The following EDAR variants were observed in gnomAD, a reference collection of about 807,000 sequenced individuals.
EDAR encodes tumor necrosis factor receptor superfamily member EDAR.
Under a neutral mutation model 51.3 loss-of-function variants are expected in EDAR, and 38 were observed. The observed-to-expected ratio is 0.74, with a 90% CI of 0.57 to 0.97. The LOEUF is 0.97. EDAR is among the 50% of genes least tolerant of loss of function. The pLI is 0.00. For missense variants in EDAR, 528 were observed against 595.0 expected (o/e 0.89, Z 1.17); for synonymous variants, 227 against 242.1 (o/e 0.94, Z 0.58).
chr2:108,962,736 C>G lies in EDAR; in HGVS notation c.-19+26224G>C, dbSNP rs183760912. Among the ~76,000 whole-genome samples, 47 of 151,502 alleles carry G rather than the reference C, an allele frequency of 3.1e-4. 1 individual carries two copies. In the East Asian group the frequency reaches 9.1e-3, roughly 29 times the overall value. On this transcript the variant is annotated intron_variant, in intron 1 of 11. Coordinates refer to ENST00000258443, the MANE Select transcript of EDAR (RefSeq NM_022336.4). ...GAATGCAATTCAAGGGCCTCCCATG[C>G]CAAGGCCAACTCTTCCTGGCATGAC...
intron 1 of EDAR, among the ~76,000 whole-genome samples, chr2:108,946,709 TCAAA>T (rs980750408): frequency 1.3e-5 from 2 of 152,006 alleles, no homozygotes; most frequent in Non-Finnish European, 2.9e-5. Context: ...CAGATACATA[TCAAA>T]CAACCAGATC....
At chr2:108,938,570 G>A (rs768881459) in intron 1 of EDAR, among the ~76,000 whole-genome samples, 1 of 152,104 alleles carries the variant, frequency 6.6e-6, no homozygotes, top group South Asian at 2.1e-4. Context: ...CTGCTGTAAA[G>A]ATATGTGTTC....
chr2:108,965,297 G>A (rs1558836601), intron 1 of EDAR, among the ~76,000 whole-genome samples: 1 of 152,056 alleles, frequency 6.6e-6, no homozygotes, highest in African/African-American at 2.4e-5. Context: ...CTAACATGGT[G>A]AAACCCCATC....
At chr2:108,901,464 AT>A (rs1233456694) in intron 11 of EDAR, among the ~76,000 whole-genome samples, 2 of 152,230 alleles carry the variant, frequency 1.3e-5, no homozygotes, top group Non-Finnish European at 2.9e-5. Context: ...GAAATAAGTA[AT>A]TTAGAAATAA....
intron 1 of EDAR, among the ~76,000 whole-genome samples, chr2:108,976,371 A>G (rs1452512519): frequency 3.3e-5 from 5 of 152,200 alleles, no homozygotes; most frequent in South Asian, 2.1e-4. Context: ...TGCCATTCTC[A>G]TCACATGAAG....
At chr2:108,924,002 C>T (rs1697202265) in intron 4 of EDAR, among the ~76,000 whole-genome samples, 1 of 152,256 alleles carries the variant, frequency 6.6e-6, no homozygotes, top group South Asian at 2.1e-4. Context: ...CCAGAGAGGT[C>T]AATGCAGGTG....
At chr2:108,959,540 G>A (rs953626723) in intron 1 of EDAR, among the ~76,000 whole-genome samples, 3 of 152,198 alleles carry the variant, frequency 2.0e-5, no homozygotes, top group African/African-American at 7.2e-5. Flanking sequence ...GACTCAGGTT[G>A]TCAGGTTTCC....
At chr2:108,988,082 G>A (rs931584505) in intron 1 of EDAR, among the ~76,000 whole-genome samples, 8 of 152,204 alleles carry the variant, frequency 5.3e-5, no homozygotes, top group African/African-American at 1.4e-4. Context: ...CTGTCTCTCC[G>A]TACGTCTCCT....
At chr2:108,954,963 C>A (rs931556631) in intron 1 of EDAR, among the ~76,000 whole-genome samples, 1 of 152,250 alleles carries the variant, frequency 6.6e-6, no homozygotes, top group Admixed American at 6.5e-5. Context: ...GGATTACATG[C>A]GTGAGCCACC....
chr2:108,964,166 C>T lies in EDAR; in HGVS notation c.-19+24794G>A, dbSNP rs1698106675. On this transcript the variant is annotated intron_variant, in intron 1 of 11. Transcript: ENST00000258443. ...ACAGAAGATAGTCTTTCAGATCCCT[C>T]CCACCTCCTGAAATGCTCTAATTAA... Among the ~76,000 whole-genome samples, 3 of 152,204 alleles carry T rather than the reference C, an allele frequency of 2.0e-5. No homozygotes were observed. The South Asian group carries it at 6.2e-4, about 32-fold the overall frequency.
At chr2:108,919,321 G>C (rs1418782176) in intron 5 of EDAR, among the ~76,000 whole-genome samples, 1 of 152,160 alleles carries the variant, frequency 6.6e-6, no homozygotes, top group East Asian at 1.9e-4. Flanking sequence ...CAGCTGCCAG[G>C]CTATTGCGTT....
At chr2:108,935,222 GA>G (rs1697444091) in intron 1 of EDAR, among the ~76,000 whole-genome samples, 1 of 152,102 alleles carries the variant, frequency 6.6e-6, no homozygotes, top group African/African-American at 2.4e-5. Flanking sequence ...TTCCCATCTA[GA>G]ATGATGACAC....
chr2:108,944,029 T>A (rs2105478990), intron 1 of EDAR, among the ~76,000 whole-genome samples: 1 of 152,338 alleles, frequency 6.6e-6, no homozygotes, highest in South Asian at 2.1e-4. Flanking sequence ...AGATTGTGGT[T>A]TCTCAGGAAT....
chr2:108,968,675 T>C (rs112791081), intron 1 of EDAR, among the ~76,000 whole-genome samples: 1 of 152,332 alleles, frequency 6.6e-6, no homozygotes, highest in African/African-American at 2.4e-5. Flanking sequence ...TGCACTGCTG[T>C]GCACAGAATT....
chr2:108,956,332 A>C (rs1371425311), intron 1 of EDAR, among the ~76,000 whole-genome samples: 3 of 152,200 alleles, frequency 2.0e-5, no homozygotes, highest in Non-Finnish European at 4.4e-5. Context: ...GAGTGTTATG[A>C]TGCCTGTAGA....
In EDAR at chr2:108,945,216, G is replaced by T. The variant is rs76210370; in HGVS notation, c.-18-14184C>A. Reference sequence around the variant, plus strand: ...TGGGTGGGGGCGAGCTCCCCGTCCTGGGGCACTGTATATTCCAGGGGCCAA... The same window carrying T: ...TGGGTGGGGGCGAGCTCCCCGTCCTTGGGCACTGTATATTCCAGGGGCCAA... On this transcript the variant is annotated intron_variant, in intron 1 of 11. Coordinates refer to ENST00000258443, the MANE Select transcript of EDAR (RefSeq NM_022336.4). Among the ~76,000 whole-genome samples the T allele has an allele frequency of 2.0e-5, 3 of 152,236 alleles. No homozygotes were observed. In the East Asian group the frequency reaches 5.8e-4, roughly 29 times the overall value.
intron 9 of EDAR, among the ~76,000 whole-genome samples, chr2:108,908,620 A>T (rs1696857996): frequency 6.6e-6 from 1 of 152,162 alleles, no homozygotes; most frequent in African/African-American, 2.4e-5. Context: ...CACCAAGCCC[A>T]GGTTCATGCC....
chr2:108,971,900 C>T (rs11694335), intron 1 of EDAR, among the ~76,000 whole-genome samples: 11,665 of 152,294 alleles, frequency 0.077, 1,145 homozygotes, highest in African/African-American at 0.23. Flanking sequence ...ACCAAAGGCA[C>T]TGAGCTTCCT....
chr2:108,907,032 G>A (rs79379076), intron 10 of EDAR, among the ~76,000 whole-genome samples: 7,854 of 152,278 alleles, frequency 0.052, 270 homozygotes, highest in South Asian at 0.14. Flanking sequence ...CTAGAGGGAC[G>A]ACCACAGGCC....
Sources: gnomAD v4.1 joint callset for allele counts (sites outside exome capture counted in the v4.1 genomes callset) on GRCh38, gnomAD v4.1.1 for gene constraint, MANE v1.5 for transcripts, NCBI Gene and HGNC (gene_info 2026-07-23, HGNC 2026-07-21) for gene names.